Variants in FHIT observed in about 807,000 individuals in gnomAD.
FHIT encodes the protein fragile histidine triad diadenosine triphosphatase.
FHIT carries 19 observed loss-of-function variants against 17.9 expected under a neutral mutation model. That is an observed-to-expected ratio of 1.06 (90% confidence interval 0.74 to 1.56). FHIT has a LOEUF of 1.56. Among genes scored for constraint, FHIT ranks in the 40% most tolerant of loss-of-function variants. The pLI, the probability that FHIT is intolerant of heterozygous loss-of-function variation, is 0.00. For missense variants in FHIT, 248 were observed against 189.2 expected (o/e 1.31, Z -1.82); for synonymous variants, 81 against 69.7 (o/e 1.16, Z -0.81).
intron 4 of FHIT, among the ~76,000 whole-genome samples, chr3:60,657,333 C>T (rs1365186945): frequency 1.3e-5 from 2 of 152,106 alleles, no homozygotes; most frequent in African/African-American, 4.8e-5. Flanking sequence ...TGTGTTAGCA[C>T]CACAGAGCGA....
chr3:59,874,874 A>T (rs1339860669), intron 8 of FHIT, among the ~76,000 whole-genome samples: 1 of 152,192 alleles, frequency 6.6e-6, no homozygotes, highest in Non-Finnish European at 1.5e-5. Context: ...TCAGCTGCTA[A>T]TCAGCACCTT....
chr3:60,482,485 C>A (rs1030522276), intron 5 of FHIT, among the ~76,000 whole-genome samples: 2 of 152,098 alleles, frequency 1.3e-5, no homozygotes, highest in Non-Finnish European at 2.9e-5. Context: ...GTCTCTAGGA[C>A]CACAGTGCAA....
At chr3:60,879,110 T>C (rs1452173254) in intron 3 of FHIT, among the ~76,000 whole-genome samples, 1 of 152,180 alleles carries the variant, frequency 6.6e-6, no homozygotes, top group Non-Finnish European at 1.5e-5. Context: ...CCACCAACAG[T>C]GTAAAAGTGT....
chr3:59,787,727 C>A (rs1029620578), intron 8 of FHIT, among the ~76,000 whole-genome samples: 1 of 152,046 alleles, frequency 6.6e-6, no homozygotes, highest in Non-Finnish European at 1.5e-5. Flanking sequence ...TATTTATAAC[C>A]CAATGATGTA....
rs572372274 is a variant in FHIT, at chr3:59,931,020, T to C, written c.280-8606A>G. On this transcript the variant is annotated intron_variant, in intron 7 of 9. Transcript: ENST00000492590. ...TGAGTCAATTCCTTAACTTCTTTCA[T>C]ATTCCCTCATTTATCAAGTGGGCAT... Among the ~76,000 whole-genome samples, 14 of 152,320 alleles carry C rather than the reference T, an allele frequency of 9.2e-5. No individual in the cohort carries two copies. In the South Asian group the frequency reaches 1.5e-3, roughly 16 times the overall value.
intron 8 of FHIT, among the ~76,000 whole-genome samples, chr3:59,893,815 T>C (rs1703954222): frequency 6.6e-6 from 1 of 152,192 alleles, no homozygotes; most frequent in South Asian, 2.1e-4. Context: ...AATACTTGAC[T>C]AGGAAGAAAC....
chr3:60,437,268 G>T (rs182709893), intron 5 of FHIT, among the ~76,000 whole-genome samples: 1 of 152,184 alleles, frequency 6.6e-6, no homozygotes, highest in East Asian at 1.9e-4. Flanking sequence ...TGTGGACAGT[G>T]ATGTCACTGA....
At chr3:60,949,026 T>G (rs13323037) in intron 3 of FHIT, among the ~76,000 whole-genome samples, 4,017 of 152,192 alleles carry the variant, frequency 0.026, 174 homozygotes, top group African/African-American at 0.091. Context: ...CTTATAGTTG[T>G]ATATAGTTGA....
intron 4 of FHIT, among the ~76,000 whole-genome samples, chr3:60,590,041 G>C (rs551178240): frequency 9.3e-4 from 142 of 152,006 alleles, no homozygotes; most frequent in African/African-American, 3.2e-3. Flanking sequence ...CAAGACTGCT[G>C]GAAGGAGTCC....
intron 5 of FHIT, among the ~76,000 whole-genome samples, chr3:60,347,523 C>T (rs1024973568): frequency 6.6e-6 from 1 of 152,076 alleles, no homozygotes; most frequent in Non-Finnish European, 1.5e-5. Flanking sequence ...AACTGTAACA[C>T]TCTCACATCA....
chr3:61,085,758 C>G lies in FHIT; in HGVS notation c.-163-43659G>C, dbSNP rs185123748. 1.0e-3 allele frequency among the ~76,000 whole-genome samples: 157 copies of G among 152,054 alleles called. 1 individual carries two copies. The highest frequency in any genetic ancestry group is 8.9e-3 in the Admixed American group (136 of 15,272). ...ATCTAGAAGTTTTATAGTTTTAAAG[C>G]TTATATTTTGGTCTGTAATCCATTC... On this transcript the variant is annotated intron_variant, in intron 2 of 9. Coordinates refer to ENST00000492590, the MANE Select transcript of FHIT (RefSeq NM_002012.4).
intron 4 of FHIT, among the ~76,000 whole-genome samples, chr3:60,817,003 T>C (rs1701763052): frequency 6.6e-6 from 1 of 152,028 alleles, no homozygotes; most frequent in Non-Finnish European, 1.5e-5. Context: ...ATTTTTTTCT[T>C]AATTTAGGAT....
intron 4 of FHIT, among the ~76,000 whole-genome samples, chr3:60,703,788 A>C (rs1344449246): frequency 1.3e-5 from 2 of 152,116 alleles, no homozygotes; most frequent in Non-Finnish European, 2.9e-5. Context: ...CTGTTTTTAA[A>C]TATCTAGTTT....
At chr3:60,221,108 C>T (rs922439785) in intron 5 of FHIT, among the ~76,000 whole-genome samples, 1 of 152,104 alleles carries the variant, frequency 6.6e-6, no homozygotes, top group Non-Finnish European at 1.5e-5. Context: ...CTACAGCTCA[C>T]AAGAATCATG....
intron 3 of FHIT, among the ~76,000 whole-genome samples, chr3:60,850,861 C>A (rs1703126487): frequency 1.3e-5 from 2 of 152,072 alleles, no homozygotes; most frequent in African/African-American, 4.8e-5. Flanking sequence ...ATTCAGTATA[C>A]CTTATTGGTA....
At chr3:60,421,772 AACAGG>A (rs1702476898) in intron 5 of FHIT, among the ~76,000 whole-genome samples, 1 of 152,110 alleles carries the variant, frequency 6.6e-6, no homozygotes, top group African/African-American at 2.4e-5. Context: ...GAAAACTTGA[AACAGG>A]ACATTCTGTT....
chr3:60,457,988 A>C (rs1356360596), intron 5 of FHIT, among the ~76,000 whole-genome samples: 4 of 152,140 alleles, frequency 2.6e-5, no homozygotes, highest in South Asian at 2.1e-4. Flanking sequence ...GTTGGTAGGA[A>C]TGTAAACTAC....
At chr3:60,028,984 T>C (rs948236834) in intron 5 of FHIT, among the ~76,000 whole-genome samples, 1 of 152,226 alleles carries the variant, frequency 6.6e-6, no homozygotes, top group Non-Finnish European at 1.5e-5. Context: ...CCATCTGTAC[T>C]GTTAGTTGCA....
chr3:61,039,859 C>T (rs1160591539), intron 3 of FHIT, among the ~76,000 whole-genome samples: 2 of 152,066 alleles, frequency 1.3e-5, no homozygotes, highest in African/African-American at 2.4e-5. Flanking sequence ...AAAAAACAAA[C>T]AAACAAAAAA....
Sources: allele counts gnomAD v4.1 joint callset (sites outside exome capture counted in the v4.1 genomes callset), GRCh38; gene constraint gnomAD v4.1.1; transcripts MANE v1.5; gene names NCBI Gene and HGNC (gene_info 2026-07-23, HGNC 2026-07-21).